DLG2: variants seen among roughly 807,000 people sequenced by gnomAD.
DLG2 encodes discs large MAGUK scaffold protein 2.
DLG2 carries 45 observed loss-of-function variants against 132.5 expected under a neutral mutation model. The observed-to-expected ratio is 0.34, with a 90% confidence interval of 0.27 to 0.44. The LOEUF is 0.44. DLG2 is among the 20% of genes least tolerant of loss of function. The pLI, the probability that DLG2 is intolerant of heterozygous loss-of-function variation, is 1.00. For missense variants in DLG2, 1,045 were observed against 1,196.9 expected (o/e 0.87, Z 1.87); for synonymous variants, 424 against 419.6 (o/e 1.01, Z -0.13).
intron 6 of DLG2, among the ~76,000 whole-genome samples, chr11:85,007,525 G>A (rs2154133637): frequency 6.6e-6 from 1 of 151,632 alleles, no homozygotes; most frequent in East Asian, 1.9e-4. Context: ...AATTAGCCGG[G>A]CATGGTGGCA....
intron 6 of DLG2, among the ~76,000 whole-genome samples, chr11:84,911,534 T>C (rs943901091): frequency 6.6e-6 from 1 of 152,186 alleles, no homozygotes; most frequent in Middle Eastern, 3.4e-3. Context: ...CATTTTAAGC[T>C]TTTTTACATG....
At chr11:84,102,214 C>T (rs1175763305) in intron 9 of DLG2, among the ~76,000 whole-genome samples, 1 of 152,094 alleles carries the variant, frequency 6.6e-6, no homozygotes, top group African/African-American at 2.4e-5. Context: ...TTACATTATG[C>T]ATTGTGTTAT....
At chr11:84,896,647 T>C (rs2090224379) in intron 6 of DLG2, among the ~76,000 whole-genome samples, 1 of 152,002 alleles carries the variant, frequency 6.6e-6, no homozygotes, top group South Asian at 2.1e-4. Flanking sequence ...TTGCCACTTA[T>C]CCACAGTTTT....
intron 17 of DLG2, among the ~76,000 whole-genome samples, chr11:83,787,569 C>A (rs902029337): frequency 1.4e-4 from 22 of 151,978 alleles, no homozygotes; most frequent in African/African-American, 5.1e-4. Context: ...GATCCGCCTG[C>A]CTCGGCCTCC....
intron 15 of DLG2, among the ~76,000 whole-genome samples, chr11:83,918,514 C>T (rs1340600151): frequency 6.6e-6 from 1 of 152,134 alleles, no homozygotes; most frequent in African/African-American, 2.4e-5. Flanking sequence ...AATGTTAATG[C>T]TACTTAACAA....
At chr11:85,504,742 C>T (rs2093888247) in intron 3 of DLG2, among the ~76,000 whole-genome samples, 2 of 152,126 alleles carry the variant, frequency 1.3e-5, no homozygotes. Context: ...TTTTCCAATT[C>T]TGTGAAGAAA....
intron 6 of DLG2, among the ~76,000 whole-genome samples, chr11:84,648,183 T>C (rs2099677187): frequency 6.6e-6 from 1 of 152,154 alleles, no homozygotes; most frequent in African/African-American, 2.4e-5. Context: ...AGAATAGAGG[T>C]CATTTAGAAT....
chr11:85,104,401 G>A (rs2071352475), intron 6 of DLG2, among the ~76,000 whole-genome samples: 1 of 151,828 alleles, frequency 6.6e-6, no homozygotes, highest in Admixed American at 6.6e-5. Flanking sequence ...ATAATGGATG[G>A]TACAACATGG....
chr11:84,803,572 T>G (rs1358805879), intron 6 of DLG2, among the ~76,000 whole-genome samples: 1 of 152,184 alleles, frequency 6.6e-6, no homozygotes, highest in African/African-American at 2.4e-5. Flanking sequence ...ATTTTACACC[T>G]TACACTACAT....
rs149105063 is a variant in DLG2 at position 85,083,335 on chromosome 11, T to G, written c.357+28326A>C. ...AGCCCAAGCTGGTACCAAGCACCAA[T>G]AGGAGATTTGTCAAAGGTCAGGGCC... On this transcript the variant is annotated intron_variant, in intron 6 of 27. Coordinates refer to ENST00000376104, the MANE Select transcript of DLG2 (RefSeq NM_001142699.3). 6.3e-4 allele frequency among the ~76,000 whole-genome samples: 96 copies of G among 152,220 alleles called. 1 individual carries two copies. In the East Asian group the frequency reaches 0.018, roughly 28 times the overall value.
At chr11:84,457,750 A>C (rs2099069184) in intron 7 of DLG2, among the ~76,000 whole-genome samples, 1 of 150,938 alleles carries the variant, frequency 6.6e-6, no homozygotes, top group South Asian at 2.1e-4. Context: ...ACTAAAGAGA[A>C]AGCCTATTGT....
At chr11:84,135,376 A>T (rs1236449326) in intron 9 of DLG2, among the ~76,000 whole-genome samples, 1 of 152,136 alleles carries the variant, frequency 6.6e-6, no homozygotes, top group Non-Finnish European at 1.5e-5. Flanking sequence ...TTTAAAGGAC[A>T]AGAAAAATGG....
intron 7 of DLG2, among the ~76,000 whole-genome samples, chr11:84,280,716 G>C (rs1179825754): frequency 1.3e-5 from 2 of 151,020 alleles, no homozygotes; most frequent in Admixed American, 1.3e-4. Flanking sequence ...TGTTTTTTTT[G>C]AGACGGAGTC....
At chr11:85,468,168 A>AT (rs564395830) in intron 3 of DLG2, among the ~76,000 whole-genome samples, 1,511 of 146,326 alleles carry the variant, frequency 0.01, 17 homozygotes, top group African/African-American at 0.023. Flanking sequence ...CCCCTTTATC[A>AT]TTTTTTTTTT....
At chr11:85,340,548 T>G (rs1346386530) in intron 3 of DLG2, among the ~76,000 whole-genome samples, 1 of 152,178 alleles carries the variant, frequency 6.6e-6, no homozygotes, top group East Asian at 1.9e-4. Flanking sequence ...AAATGATGAG[T>G]TGATGGGTGC....
intron 11 of DLG2, among the ~76,000 whole-genome samples, chr11:84,048,238 TC>T (rs1157345505): frequency 6.6e-6 from 1 of 151,630 alleles, no homozygotes; most frequent in East Asian, 1.9e-4. Context: ...GAAGACTGTT[TC>T]CCTGGTTTAA....
intron 8 of DLG2, among the ~76,000 whole-genome samples, chr11:84,225,285 T>G (rs894256351): frequency 3.3e-5 from 5 of 152,198 alleles, no homozygotes; most frequent in African/African-American, 1.2e-4. Context: ...ATTCCCTTAT[T>G]TATCTAAGTA....
intron 15 of DLG2, among the ~76,000 whole-genome samples, chr11:83,926,893 A>G (rs1591193582): frequency 6.6e-6 from 1 of 152,130 alleles, no homozygotes; most frequent in Non-Finnish European, 1.5e-5. Context: ...GGTATTTCCC[A>G]TTGGAAAAAT....
At chr11:84,775,683 C>T (rs1488815770) in intron 6 of DLG2, among the ~76,000 whole-genome samples, 3 of 152,126 alleles carry the variant, frequency 2.0e-5, no homozygotes, top group African/African-American at 7.2e-5. Flanking sequence ...CTAAATACCA[C>T]ATGTTCTCAC....
Sources: gnomAD v4.1 joint callset for allele counts (sites outside exome capture counted in the v4.1 genomes callset) on GRCh38, gnomAD v4.1.1 for gene constraint, MANE v1.5 for transcripts, NCBI Gene and HGNC (gene_info 2026-07-23, HGNC 2026-07-21) for gene names.